Variants in NLGN4X observed in about 807,000 individuals in gnomAD.
NLGN4X encodes neuroligin 4 X-linked, also known as neuroligin-4, X-linked.
In NLGN4X, 3 loss-of-function variants were observed where a neutral mutation model predicts 40.3. The observed-to-expected ratio is 0.07, with a 90% CI of 0.03 to 0.19. NLGN4X has a LOEUF of 0.19. Ranked by LOEUF, NLGN4X falls within the 10% of genes least tolerant of loss-of-function variation. The pLI is 1.00. For synonymous variants in NLGN4X, 270 were observed against 306.8 expected, an observed-to-expected ratio of 0.88 and a Z score of 1.25; for missense variants, 382 against 708.3, an observed-to-expected ratio of 0.54 and a Z score of 5.23.
At chrX:6,080,568 T>A (rs1233870866) in intron 2 of NLGN4X, among the ~76,000 whole-genome samples, 1 of 111,681 alleles carries the variant, frequency 9.0e-6, no homozygotes, top group Non-Finnish European at 1.9e-5. Flanking sequence ...GTTTTAACTC[T>A]TACTATCACT....
At position 6,036,752 on chromosome X, in the gene NLGN4X, C is replaced by T. The variant is rs186467433; in HGVS notation, c.473-7320G>A. Among the ~76,000 whole-genome samples the T allele has an allele frequency of 2.5e-3, 280 of 110,458 alleles. 2 individuals are homozygous for T. The highest frequency in any genetic ancestry group is 4.6e-3 in the Middle Eastern group (1 of 216). The stretch of plus-strand genomic sequence containing the variant: ...CTTTTCATACAACAATTAGCATCTC[C>T]GTAAAACCTCTGTGCAGAACTGGCT... On this transcript the variant is annotated intron_variant, in intron 2 of 5. Transcript: ENST00000381095.
chrX:6,092,929 C>G (rs2147455970), intron 2 of NLGN4X, among the ~76,000 whole-genome samples: 1 of 110,588 alleles, frequency 9.0e-6, no homozygotes, highest in Admixed American at 9.6e-5. Flanking sequence ...TATATCAAAT[C>G]AAAATTTGAG....
At chrX:6,006,109 G>A (rs1489169298) in intron 3 of NLGN4X, among the ~76,000 whole-genome samples, 1 of 111,138 alleles carries the variant, frequency 9.0e-6, no homozygotes, top group Non-Finnish European at 1.9e-5. Context: ...GGGGAAAGGG[G>A]AAGTTTCTAC....
chrX:6,110,153 T>C (rs756416972), intron 2 of NLGN4X, among the ~76,000 whole-genome samples: 26 of 112,089 alleles, frequency 2.3e-4, no homozygotes, highest in African/African-American at 8.4e-4. Context: ...TGTGGAATTA[T>C]AGTAATATCT....
At chrX:6,099,888 G>C (rs2038867162) in intron 2 of NLGN4X, among the ~76,000 whole-genome samples, 1 of 111,565 alleles carries the variant, frequency 9.0e-6, no homozygotes, top group Non-Finnish European at 1.9e-5. Flanking sequence ...CTCGGTCCGG[G>C]AGACCCTAAC....
chrX:6,023,403 A>G (rs1326422586), intron 3 of NLGN4X, among the ~76,000 whole-genome samples: 2 of 112,382 alleles, frequency 1.8e-5, no homozygotes, highest in African/African-American at 6.5e-5. Context: ...TTGCATAATG[A>G]TAAAAGCTAC....
At chrX:6,048,221 C>A (rs1034117564) in intron 2 of NLGN4X, among the ~76,000 whole-genome samples, 2 of 111,999 alleles carry the variant, frequency 1.8e-5, no homozygotes, top group Non-Finnish European at 3.8e-5. Context: ...ACAAGATCTA[C>A]CATGTTTTGG....
intron 2 of NLGN4X, among the ~76,000 whole-genome samples, chrX:6,135,703 T>C (rs2039800263): frequency 9.0e-6 from 1 of 111,471 alleles, no homozygotes; most frequent in African/African-American, 3.3e-5. Context: ...GCATAGTTGC[T>C]AGGCCAATGT....
intron 2 of NLGN4X, among the ~76,000 whole-genome samples, chrX:6,045,833 C>G (rs1404512465): frequency 2.7e-5 from 3 of 111,200 alleles, no homozygotes; most frequent in South Asian, 7.5e-4. Context: ...TTTCAAGATA[C>G]TTCTACAGAC....
intron 3 of NLGN4X, among the ~76,000 whole-genome samples, chrX:5,947,748 G>A (rs1384751649): frequency 9.0e-6 from 1 of 111,641 alleles, no homozygotes; most frequent in African/African-American, 3.3e-5. Flanking sequence ...GACATGGCTG[G>A]CATTTCTGTG....
intron 1 of NLGN4X, among the ~76,000 whole-genome samples, chrX:6,223,344 G>A (rs1435381261): frequency 1.8e-5 from 2 of 110,978 alleles, no homozygotes; most frequent in South Asian, 3.8e-4. Context: ...ATCTCAGCCC[G>A]AGGTAGATGG....
chrX:5,954,391 CTTTTTTTTTTTTT>C (rs764108500), intron 3 of NLGN4X, among the ~76,000 whole-genome samples: 2 of 55,868 alleles, frequency 3.6e-5, no homozygotes, highest in African/African-American at 7.0e-5. Flanking sequence ...GCTTGGCTAA[CTTTTTTTTTTTTT>C]TTTTTTTTTT....
At chrX:5,938,945 G>A (rs1304881675) in intron 3 of NLGN4X, among the ~76,000 whole-genome samples, 1 of 104,969 alleles carries the variant, frequency 9.5e-6, no homozygotes, top group Non-Finnish European at 1.9e-5. Context: ...GAGATTATGT[G>A]TGTTTGTATT....
At chrX:6,116,993 T>C (rs1240929720) in intron 2 of NLGN4X, among the ~76,000 whole-genome samples, 1 of 111,689 alleles carries the variant, frequency 9.0e-6, no homozygotes, top group African/African-American at 3.3e-5. Context: ...TTTTTCCACA[T>C]AAGAAAATCA....
intron 5 of NLGN4X, among the ~76,000 whole-genome samples, chrX:5,900,831 C>T (rs887237132): frequency 4.5e-5 from 5 of 110,663 alleles, no homozygotes; most frequent in South Asian, 3.9e-4. Context: ...CCTCCTGCCT[C>T]GGCCTCCCAA....
At chrX:6,069,658 CT>C (rs2038011637) in intron 2 of NLGN4X, among the ~76,000 whole-genome samples, 1 of 111,860 alleles carries the variant, frequency 8.9e-6, no homozygotes, top group Non-Finnish European at 1.9e-5. Flanking sequence ...CAAGGCCTAC[CT>C]TTTGGTAAGT....
chrX:6,067,138 T>A (rs1569218209), intron 2 of NLGN4X, among the ~76,000 whole-genome samples: 1 of 107,595 alleles, frequency 9.3e-6, no homozygotes, highest in East Asian at 2.9e-4. Context: ...ATAAAACATA[T>A]AAAAATATGC....
At chrX:6,225,506 CAA>C (rs1926126557) in intron 1 of NLGN4X, among the ~76,000 whole-genome samples, 1 of 108,491 alleles carries the variant, frequency 9.2e-6, no homozygotes, top group Admixed American at 1.0e-4. Flanking sequence ...TTGTTCTCAT[CAA>C]AGTCAGGTGT....
chrX:6,191,915 C>G (rs1158453419), intron 1 of NLGN4X, among the ~76,000 whole-genome samples: 1 of 111,769 alleles, frequency 8.9e-6, no homozygotes, highest in East Asian at 2.8e-4. Context: ...GTAAGACTGA[C>G]CAATATGGCA....
Sources: allele counts gnomAD v4.1 joint callset (sites outside exome capture counted in the v4.1 genomes callset), GRCh38; gene constraint gnomAD v4.1.1; transcripts MANE v1.5; gene names NCBI Gene and HGNC (gene_info 2026-07-23, HGNC 2026-07-21).